PIK3AP1: variants seen among roughly 807,000 people sequenced by gnomAD.
PIK3AP1 encodes the protein phosphoinositide 3-kinase adapter protein 1.
In PIK3AP1, 21 loss-of-function variants were observed where a neutral mutation model predicts 88.1. That is an observed-to-expected ratio of 0.24 (90% confidence interval 0.17 to 0.34). The LOEUF (loss-of-function observed/expected upper bound fraction) is 0.34, where lower values mean the gene tolerates loss of function less well. PIK3AP1 is among the 10% of genes least tolerant of loss of function. The probability of loss-of-function intolerance (pLI) is 1.00; values close to 1 mark genes in which losing one functional copy is unlikely to be tolerated. For synonymous variants in PIK3AP1, 398 were observed against 400.0 expected, an observed-to-expected ratio of 1.00 and a Z score of 0.06; for missense variants, 828 against 1,035.7, an observed-to-expected ratio of 0.80 and a Z score of 2.75.
intron 16 of PIK3AP1, among the ~76,000 whole-genome samples, chr10:96,599,521 A>C (rs971507801): frequency 5.3e-5 from 8 of 152,080 alleles, no homozygotes; most frequent in African/African-American, 1.7e-4. Context: ...AGGCTGTACT[A>C]CCAGTGCTGT....
At chr10:96,664,009 T>C (rs1843728888) in intron 2 of PIK3AP1, among the ~76,000 whole-genome samples, 1 of 152,188 alleles carries the variant, frequency 6.6e-6, no homozygotes, top group African/African-American at 2.4e-5. Flanking sequence ...AAGTACAAAC[T>C]GCACAATCTT....
At chr10:96,609,667 G>A (rs371541560) in intron 14 of PIK3AP1, 45 bp downstream of exon 14, 253 of 1,595,216 alleles carry the variant, frequency 1.6e-4, no homozygotes, top group Non-Finnish European at 2.1e-4. Context: ...GTGCCAGCTG[G>A]AGCCCAGTCA....
chr10:96,705,884 G>GTTTTT (rs964917515), intron 2 of PIK3AP1, among the ~76,000 whole-genome samples: 9 of 60,970 alleles, frequency 1.5e-4, no homozygotes, highest in South Asian at 5.8e-4. Flanking sequence ...CCAGCCAGTT[G>GTTTTT]TTTTTTTTTT....
chr10:96,654,362 TC>T lies in PIK3AP1; in HGVS notation c.568-1521del, dbSNP rs1589518153. Among the ~76,000 whole-genome samples the T allele has an allele frequency of 2.0e-5, 3 of 152,104 alleles. No homozygotes were observed. The East Asian group carries it at 5.8e-4, about 29-fold the overall frequency. Reference sequence around the variant, plus strand: ...GCCATAGCGAATCCCCAGATATTCCTCCTAAGACTCTGCTATAAAGTCCTCA... The same window carrying T: ...GCCATAGCGAATCCCCAGATATTCCTCTAAGACTCTGCTATAAAGTCCTCA... On this transcript the variant is annotated intron_variant, in intron 3 of 16. Transcript: ENST00000339364.
chr10:96,666,975 A>G (rs1037228248), intron 2 of PIK3AP1, among the ~76,000 whole-genome samples: 1 of 148,772 alleles, frequency 6.7e-6, no homozygotes, highest in Middle Eastern at 3.2e-3. Context: ...TCTGAAGTTC[A>G]TGAGACACAA....
intron 2 of PIK3AP1, among the ~76,000 whole-genome samples, chr10:96,676,519 C>T (rs1267333187): frequency 1.3e-5 from 2 of 151,968 alleles, no homozygotes; most frequent in East Asian, 3.9e-4. Context: ...ACAGAAATGA[C>T]CAAGAATCCA....
At chr10:96,601,331 A>C (rs1848886275) in intron 16 of PIK3AP1, among the ~76,000 whole-genome samples, 2 of 151,914 alleles carry the variant, frequency 1.3e-5, no homozygotes, top group Admixed American at 6.6e-5. Context: ...AAAATTAGCC[A>C]GGCGTGGTGG....
intron 7 of PIK3AP1, among the ~76,000 whole-genome samples, chr10:96,647,139 G>C (rs796834662): frequency 1.3e-5 from 2 of 152,232 alleles, no homozygotes; most frequent in Non-Finnish European, 2.9e-5. Flanking sequence ...GGTGACCACA[G>C]GGAGAAAGCA....
chr10:96,646,405 A>T (rs1359067607), intron 7 of PIK3AP1, among the ~76,000 whole-genome samples: 1 of 152,098 alleles, frequency 6.6e-6, no homozygotes, highest in Non-Finnish European at 1.5e-5. Context: ...AGAAAAACAA[A>T]GCTCACAAAA....
At chr10:96,657,542 T>C (rs2134239961) in intron 2 of PIK3AP1, among the ~76,000 whole-genome samples, 1 of 152,276 alleles carries the variant, frequency 6.6e-6, no homozygotes, top group South Asian at 2.1e-4. Flanking sequence ...TGTGCAAATG[T>C]GTGTGGTATT....
chr10:96,617,077 G>T (rs1202947255), intron 12 of PIK3AP1, among the ~76,000 whole-genome samples: 1 of 152,110 alleles, frequency 6.6e-6, no homozygotes. Context: ...ATGGATGTTG[G>T]TTCTTCTCCA....
At chr10:96,605,944 C>T (rs941445578) in intron 14 of PIK3AP1, among the ~76,000 whole-genome samples, 4 of 152,060 alleles carry the variant, frequency 2.6e-5, no homozygotes, top group Non-Finnish European at 1.5e-5. Context: ...ATTAGCTGGG[C>T]GTGGTCGCGG....
At chr10:96,704,830 A>G (rs1253743037) in intron 2 of PIK3AP1, among the ~76,000 whole-genome samples, 2 of 152,198 alleles carry the variant, frequency 1.3e-5, no homozygotes, top group African/African-American at 2.4e-5. Flanking sequence ...TGTGCACATT[A>G]AAATTTGAGA....
intron 8 of PIK3AP1, among the ~76,000 whole-genome samples, chr10:96,634,282 CAG>C (rs1185881787): frequency 6.6e-6 from 1 of 152,172 alleles, no homozygotes; most frequent in Admixed American, 6.5e-5. Flanking sequence ...TCTCCAGACA[CAG>C]GGGAAGACCC....
intron 1 of PIK3AP1, among the ~76,000 whole-genome samples, chr10:96,710,685 C>A (rs1844427733): frequency 6.6e-6 from 1 of 152,196 alleles, no homozygotes; most frequent in Non-Finnish European, 1.5e-5. Context: ...TCCAGGCACT[C>A]TTCCAAGCAC....
chr10:96,606,081 T>TCAAAAA (rs559578237), intron 14 of PIK3AP1, among the ~76,000 whole-genome samples: 11 of 152,118 alleles, frequency 7.2e-5, no homozygotes, highest in Admixed American at 2.0e-4. Flanking sequence ...AGACTCCGTC[T>TCAAAAA]CAAAAACAAA....
intron 13 of PIK3AP1, among the ~76,000 whole-genome samples, chr10:96,614,793 C>T (rs1042338412): frequency 6.6e-6 from 1 of 152,148 alleles, no homozygotes; most frequent in Non-Finnish European, 1.5e-5. Context: ...CTGAAACTGA[C>T]CATTCCAACA....
intron 2 of PIK3AP1, among the ~76,000 whole-genome samples, chr10:96,665,056 G>C (rs929707028): frequency 6.6e-6 from 1 of 152,122 alleles, no homozygotes; most frequent in Non-Finnish European, 1.5e-5. Flanking sequence ...CCTGAGACTC[G>C]AATAATAATG....
chr10:96,696,827 T>C (rs1201378228), intron 2 of PIK3AP1, among the ~76,000 whole-genome samples: 4 of 152,236 alleles, frequency 2.6e-5, no homozygotes, highest in Non-Finnish European at 5.9e-5. Flanking sequence ...AAAATTCTAT[T>C]GTGAAGGATA....
Sources: gnomAD v4.1 joint callset for allele counts (sites outside exome capture counted in the v4.1 genomes callset) on GRCh38, gnomAD v4.1.1 for gene constraint, MANE v1.5 for transcripts, NCBI Gene and HGNC (gene_info 2026-07-23, HGNC 2026-07-21) for gene names.